TMEM232: variants seen among roughly 807,000 people sequenced by gnomAD.
The protein encoded by TMEM232 is transmembrane protein 232.
A neutral mutation model predicts 78.8 loss-of-function variants in TMEM232; 80 were observed. The ratio of observed to expected loss-of-function variants is 1.01; its 90% CI spans 0.85 to 1.22. The LOEUF (loss-of-function observed/expected upper bound fraction) is 1.22. Ranked by LOEUF, TMEM232 falls within the 50% of genes most tolerant of loss-of-function variation. The probability of loss-of-function intolerance (pLI) is 0.00; values close to 1 mark genes in which losing one functional copy is unlikely to be tolerated. For missense variants in TMEM232, 881 were observed against 742.2 expected, an observed-to-expected ratio of 1.19 and a Z score of -2.17; for synonymous variants, 297 against 254.3, an observed-to-expected ratio of 1.17 and a Z score of -1.60.
chr5:110,506,000 G>A (rs951995408), intron 12 of TMEM232, among the ~76,000 whole-genome samples: 3 of 152,092 alleles, frequency 2.0e-5, no homozygotes, highest in Non-Finnish European at 4.4e-5. Context: ...AATCAGACTC[G>A]CATATCTAAT....
chr5:110,658,633 T>G (rs959300340), intron 2 of TMEM232, among the ~76,000 whole-genome samples: 4 of 152,184 alleles, frequency 2.6e-5, no homozygotes, highest in Admixed American at 2.0e-4. Context: ...ACAGTCATGA[T>G]CTTTTCAAGG....
At chr5:110,716,413 A>G (rs1797017009) in intron 1 of TMEM232, among the ~76,000 whole-genome samples, 1 of 152,164 alleles carries the variant, frequency 6.6e-6, no homozygotes, top group Non-Finnish European at 1.5e-5. Context: ...AATCAGTGGG[A>G]GACCTAAGCT....
At chr5:110,701,283 G>A (rs1795416714) in intron 1 of TMEM232, among the ~76,000 whole-genome samples, 1 of 151,778 alleles carries the variant, frequency 6.6e-6, no homozygotes, top group African/African-American at 2.4e-5. Context: ...TGAAATAGAA[G>A]GAATTTTAGT....
At chr5:110,649,629 A>C (rs866383801) in intron 2 of TMEM232, among the ~76,000 whole-genome samples, 1 of 152,148 alleles carries the variant, frequency 6.6e-6, no homozygotes, top group South Asian at 2.1e-4. Context: ...TGTTTTGATA[A>C]TTGCATTTGA....
chr5:110,662,778 C>CAT, intron 2 of TMEM232, among the ~76,000 whole-genome samples: 1 of 152,028 alleles, frequency 6.6e-6, no homozygotes, highest in Non-Finnish European at 1.5e-5. Context: ...TGAGTATGCA[C>CAT]ATTTTAAAAA....
chr5:110,620,252 C>T (rs768488182), intron 7 of TMEM232, among the ~76,000 whole-genome samples: 2 of 152,156 alleles, frequency 1.3e-5, no homozygotes, highest in Non-Finnish European at 2.9e-5. Flanking sequence ...TGGTCTGACA[C>T]AGCCAGGTTA....
Position 110,528,662 on chromosome 5 carries a change from T to A in TMEM232, c.1629A>T (p.Ile543=), listed in dbSNP as rs932848323. 50 of 1,535,106 alleles carry A rather than the reference T, an allele frequency of 3.3e-5. No individual in the cohort carries two copies. In the African/African-American group the frequency reaches 6.0e-4, roughly 18 times the overall value. Residue 543 remains isoleucine (I), a synonymous_variant, in exon 12 of 14, where the codon ATA becomes ATT. Transcript: ENST00000455884. ...TTGGATATTTTGTTTGATCCTTTTTTATTGATGGTTTCTTCAAAGGAAGAA... is the reference window on the plus strand; with the variant it reads ...TTGGATATTTTGTTTGATCCTTTTTAATTGATGGTTTCTTCAAAGGAAGAA... ...AHFLPLKKPS[I]KKDQTKYPNK...
rs77908452 is a variant in TMEM232 at position 110,450,030 on chromosome 5, G to C, written c.1704-25114C>G. ...TGTCGCATATTTCCCCCTTGTTATT[G>C]TGATAGTGAGTTCTCATGAAATCTG... On this transcript the variant is annotated intron_variant, in intron 12 of 13. Coordinates refer to ENST00000455884, the MANE Select transcript of TMEM232 (RefSeq NM_001039763.4). Among the ~76,000 whole-genome samples, 1,414 of 152,134 alleles carry C rather than the reference G, an allele frequency of 9.3e-3. 20 individuals carry two copies. The highest frequency in any genetic ancestry group is 0.032 in the African/African-American group (1,339 of 41,498).
At chr5:110,617,384 A>AT (rs57588877) in intron 8 of TMEM232, among the ~76,000 whole-genome samples, 31,815 of 151,754 alleles carry the variant, frequency 0.21, 4,944 homozygotes, top group African/African-American at 0.44. Context: ...TGGTAAAAAA[A>AT]ATATATTTTG....
intron 12 of TMEM232, among the ~76,000 whole-genome samples, chr5:110,498,708 C>T (rs1048855863): frequency 1.3e-5 from 2 of 152,128 alleles, no homozygotes; most frequent in African/African-American, 4.8e-5. Flanking sequence ...GGGAAACTTA[C>T]AAGTGTATTG....
chr5:110,711,889 G>A (rs1169670761), intron 1 of TMEM232, among the ~76,000 whole-genome samples: 1 of 151,870 alleles, frequency 6.6e-6, no homozygotes, highest in African/African-American at 2.4e-5. Context: ...GGCAGATCAC[G>A]AAGTCAGGAG....
At chr5:110,571,390 C>G (rs1450612086) in intron 10 of TMEM232, among the ~76,000 whole-genome samples, 4 of 151,974 alleles carry the variant, frequency 2.6e-5, no homozygotes, top group Non-Finnish European at 4.4e-5. Context: ...AAGGACAAAA[C>G]TGGGAAAGTC....
chr5:110,621,546 T>C (rs1418165382), intron 7 of TMEM232, among the ~76,000 whole-genome samples: 2 of 152,210 alleles, frequency 1.3e-5, no homozygotes, highest in Admixed American at 1.3e-4. Flanking sequence ...GTCATTATTA[T>C]TATATTTTAC....
At chr5:110,475,013 A>G (rs962205338) in intron 12 of TMEM232, among the ~76,000 whole-genome samples, 4 of 151,994 alleles carry the variant, frequency 2.6e-5, no homozygotes, top group Admixed American at 1.3e-4. Context: ...TTAGATGCTA[A>G]TATTTGTGTA....
upstream of TMEM232, among the ~76,000 whole-genome samples, chr5:110,729,170 C>G (rs1798437448): frequency 6.6e-6 from 1 of 152,190 alleles, no homozygotes; most frequent in Admixed American, 6.5e-5. Flanking sequence ...AAGGCGTGAG[C>G]CACCGTGCCT....
At chr5:110,438,249 C>A (rs1758647769) in intron 12 of TMEM232, among the ~76,000 whole-genome samples, 1 of 151,652 alleles carries the variant, frequency 6.6e-6, no homozygotes, top group Non-Finnish European at 1.5e-5. Flanking sequence ...TCTCCTATAC[C>A]AACTGGGTTT....
chr5:110,414,732 T>G (rs460254), downstream of TMEM232, among the ~76,000 whole-genome samples: 42,290 of 151,788 alleles, frequency 0.28, 9,845 homozygotes, highest in African/African-American at 0.63. Flanking sequence ...TTTCCCTCCA[T>G]TCTCTGTTCC....
intron 8 of TMEM232, among the ~76,000 whole-genome samples, chr5:110,617,387 A>G (rs182400421): frequency 1.3e-5 from 2 of 152,182 alleles, no homozygotes; most frequent in African/African-American, 2.4e-5. Context: ...TAAAAAAAAT[A>G]TATTTTGAAA....
intron 1 of TMEM232, among the ~76,000 whole-genome samples, chr5:110,677,392 G>A (rs1388241615): frequency 1.3e-5 from 2 of 151,992 alleles, no homozygotes; most frequent in Non-Finnish European, 2.9e-5. Flanking sequence ...GAATCTGCCT[G>A]GATTTGTGAC....
Sources: allele counts gnomAD v4.1 joint callset (sites outside exome capture counted in the v4.1 genomes callset), GRCh38; gene constraint gnomAD v4.1.1; transcripts MANE v1.5; gene names NCBI Gene and HGNC (gene_info 2026-07-23, HGNC 2026-07-21).